The following AZIN2 variants were observed in gnomAD, a reference collection of about 807,000 sequenced individuals.
AZIN2 encodes antizyme inhibitor 2.
In AZIN2, 28 loss-of-function variants were observed where a neutral mutation model predicts 47.8. The observed-to-expected ratio is 0.59, with a 90% CI of 0.43 to 0.80. The LOEUF (loss-of-function observed/expected upper bound fraction) is 0.80. AZIN2 is among the 30% of genes least tolerant of loss of function. The pLI, the probability that AZIN2 is intolerant of heterozygous loss-of-function variation, is 0.00. For synonymous variants in AZIN2, 221 were observed against 239.4 expected, an observed-to-expected ratio of 0.92 and a Z score of 0.71; for missense variants, 535 against 582.5, an observed-to-expected ratio of 0.92 and a Z score of 0.84.
At chr1:33,119,950 G>T in intron 11 of AZIN2, 94 bp from the exon 12 acceptor site, 2 of 1,552,646 alleles carry the variant, frequency 1.3e-6, no homozygotes, top group East Asian at 2.3e-5. Context: ...TCGGGCTCAC[G>T]TGAGAGCCCT....
At chr1:33,165,548 G>A in the AZIN2 span, 1 of 1,609,972 alleles carries the variant, frequency 6.2e-7, no homozygotes, top group Non-Finnish European at 8.5e-7. The surrounding 1 kb of genome is among the most constrained non-coding windows in gnomAD (Gnocchi z 4.0). Context: ...AGGGCCTGAA[G>A]TTGGTCCTTC....
chr1:33,081,933 T>C lies in AZIN2; in HGVS notation c.-73+121T>C. 1 of 354,620 alleles carries C rather than the reference T, an allele frequency of 2.8e-6. No homozygotes were observed. The allele number at this position is 354,620 out of a possible 1,614,324, so 22.0% of individuals were successfully genotyped here. On this transcript the variant is annotated intron_variant, in intron 3 of 11. Transcript: ENST00000294517. The surrounding 1 kb of genome is among the most constrained non-coding windows in gnomAD (Gnocchi z 4.2). ...CAGAATTTCAGAACTGGGAAGGCTC[T>C]CCAAAACAATTCATCCATTTTACAG...
chr1:33,141,218 T>C, the AZIN2 span, among the ~76,000 whole-genome samples: 1 of 151,892 alleles, frequency 6.6e-6, no homozygotes, highest in African/African-American at 2.4e-5. Context: ...TAGGCCCTCT[T>C]GTACCCCCGC....
intron 11 of AZIN2, 196 bp downstream of exon 11, chr1:33,118,312 C>T: frequency 1.9e-6 from 1 of 536,754 alleles, no homozygotes; most frequent in Middle Eastern, 4.9e-4. Context: ...GAGCTCACAG[C>T]CCTGAGGGAG....
At chr1:33,147,139 C>T in the AZIN2 span, 5 of 1,593,886 alleles carry the variant, frequency 3.1e-6, no homozygotes, top group East Asian at 1.1e-4. The surrounding 1 kb of genome is among the most constrained non-coding windows in gnomAD (Gnocchi z 8.1). Context: ...TTGCAGGTGG[C>T]AGTGGTCCCA....
At chr1:33,159,247 G>A in the AZIN2 span, among the ~76,000 whole-genome samples, 1 of 151,924 alleles carries the variant, frequency 6.6e-6, no homozygotes, top group Non-Finnish European at 1.5e-5. The surrounding 1 kb of genome is among the most constrained non-coding windows in gnomAD (Gnocchi z 4.2). Context: ...ATAGTAACAC[G>A]TAATGCCAAC....
At chr1:33,127,307 T>A (rs553559834), downstream of AZIN2, among the ~76,000 whole-genome samples, 10 of 152,370 alleles carry the variant, frequency 6.6e-5, no homozygotes, top group African/African-American at 2.2e-4. Flanking sequence ...TCCGGTAGCG[T>A]AAAGTCACTT....
chr1:33,150,441 T>C, the AZIN2 span, among the ~76,000 whole-genome samples: 7 of 152,364 alleles, frequency 4.6e-5, no homozygotes, highest in South Asian at 1.4e-3. Flanking sequence ...CTATATCAAG[T>C]TCCTTCCATG....
chr1:33,085,692 T>C (rs1229485171), intron 5 of AZIN2, among the ~76,000 whole-genome samples: 2 of 152,110 alleles, frequency 1.3e-5, no homozygotes, highest in Non-Finnish European at 2.9e-5. Context: ...GGTTAACCTG[T>C]AGCAGGGACC....
the AZIN2 span, among the ~76,000 whole-genome samples, chr1:33,144,133 T>TTA: frequency 1.3e-3 from 31 of 24,754 alleles, no homozygotes; most frequent in African/African-American, 2.5e-3. Context: ...TTAATGTTAC[T>TTA]TCTTTTTTTT....
At position 33,100,147 on chromosome 1, in the gene AZIN2, C is replaced by T. The variant is rs527984957; in HGVS notation, c.1029+1968C>T. 3.3e-5 allele frequency among the ~76,000 whole-genome samples: 5 copies of T among 151,894 alleles called. No individual in the cohort carries two copies. The South Asian group carries it at 8.3e-4, about 25-fold the overall frequency. ...ACCAGTCTAGCCAACATGGTGAAAC[C>T]CTGTCTCTACTAAAAATCCAAAAAT... is the stretch of plus-strand genomic sequence containing the variant. On this transcript the variant is annotated intron_variant, in intron 10 of 11. Coordinates refer to ENST00000294517, the MANE Select transcript of AZIN2 (RefSeq NM_052998.4).
intron 10 of AZIN2, among the ~76,000 whole-genome samples, chr1:33,106,096 A>G (rs566998576): frequency 2.6e-5 from 4 of 152,368 alleles, no homozygotes; most frequent in Admixed American, 2.6e-4. Context: ...ACAGGATACC[A>G]CAGAAATTCA....
chr1:33,129,535 G>A, the AZIN2 span, among the ~76,000 whole-genome samples: 2 of 152,190 alleles, frequency 1.3e-5, no homozygotes, highest in Non-Finnish European at 2.9e-5. The surrounding 1 kb of genome is among the most constrained non-coding windows in gnomAD (Gnocchi z 4.1). Context: ...ATATGTTTAC[G>A]CATTGTGCAT....
chr1:33,145,822 C>T, the AZIN2 span: 7 of 468,962 alleles, frequency 1.5e-5, no homozygotes, highest in African/African-American at 4.0e-5. Flanking sequence ...GGCAGAAAAA[C>T]GCAGGTGGGG....
the AZIN2 span, among the ~76,000 whole-genome samples, chr1:33,157,541 T>TC: frequency 8.3e-3 from 1,270 of 152,256 alleles, 17 homozygotes; most frequent in African/African-American, 0.029. Context: ...TGATTTACTT[T>TC]TGTCTACTTT....
Position 33,094,530 on chromosome 1 carries a change from C to T in AZIN2, c.588-18C>T, listed in dbSNP as rs1410703040. On this transcript the variant is annotated intron_variant, in intron 7 of 11. Transcript: ENST00000294517. ...TTGGAGCCCTGCATGTCAGCCGAGG[C>T]TCTTCCTCTCTTCCCAGTTTTCACA... 5.0e-6 allele frequency: 8 copies of T among 1,602,630 alleles called. No homozygotes were observed. The highest frequency in any genetic ancestry group is 6.8e-6 in the Non-Finnish European group (8 of 1,171,318).
At chr1:33,088,009 C>CT (rs1440623366) in intron 5 of AZIN2, among the ~76,000 whole-genome samples, 1 of 152,174 alleles carries the variant, frequency 6.6e-6, no homozygotes, top group Non-Finnish European at 1.5e-5. Flanking sequence ...GGTACCATCT[C>CT]TCCCCATCTT....
chr1:33,136,864 G>A, the AZIN2 span, among the ~76,000 whole-genome samples: 82 of 152,000 alleles, frequency 5.4e-4, no homozygotes, highest in African/African-American at 1.8e-3. Flanking sequence ...GGGCGTGGTG[G>A]TGCGTGCTTG....
chr1:33,098,472 C>T (rs1191400800), intron 10 of AZIN2, among the ~76,000 whole-genome samples: 1 of 152,134 alleles, frequency 6.6e-6, no homozygotes, highest in Admixed American at 6.5e-5. Flanking sequence ...TGACAACATG[C>T]TTTTGTATTT....
Sources: gnomAD v4.1 joint callset for allele counts (sites outside exome capture counted in the v4.1 genomes callset) on GRCh38, gnomAD v4.1.1 for gene constraint, Gnocchi (gnomAD v3.1) non-coding constraint, MANE v1.5 for transcripts, NCBI Gene and HGNC (gene_info 2026-07-23, HGNC 2026-07-21) for gene names.